Variants in MBTPS2 observed in about 807,000 individuals in gnomAD.
MBTPS2 encodes membrane bound transcription factor peptidase, site 2, also known as membrane-bound transcription factor site-2 protease.
In MBTPS2, 2 loss-of-function variants were observed where a neutral mutation model predicts 35.4. The ratio of observed to expected loss-of-function variants is 0.06; its 90% CI spans 0.02 to 0.18. The LOEUF (loss-of-function observed/expected upper bound fraction) is 0.18. MBTPS2 is among the 10% of genes least tolerant of loss of function. The pLI is 1.00. For missense variants in MBTPS2, 244 were observed against 386.5 expected, an observed-to-expected ratio of 0.63 and a Z score of 3.09; for synonymous variants, 125 against 140.4, an observed-to-expected ratio of 0.89 and a Z score of 0.77.
chrX:21,877,179 C>T (rs778030659), intron 7 of MBTPS2, among the ~76,000 whole-genome samples: 1 of 112,305 alleles, frequency 8.9e-6, no homozygotes, highest in African/African-American at 3.2e-5. Context: ...CAATAGCTCA[C>T]GCCTGTAATC....
At chrX:21,857,444 A>G in intron 5 of MBTPS2, 1 of 1,211,915 alleles carries the variant, frequency 8.3e-7, no homozygotes, top group Admixed American at 2.2e-5. Flanking sequence ...GCTGCGGGAA[A>G]CGCTTTTCCC....
chrX:21,840,193 G>C (rs1341120210), intron 1 of MBTPS2, among the ~76,000 whole-genome samples: 5 of 112,693 alleles, frequency 4.4e-5, no homozygotes, highest in African/African-American at 1.3e-4. Context: ...AAACGCTCTA[G>C]AGACTCAGAT....
At chrX:21,856,062 A>C in intron 5 of MBTPS2, 1 of 141,680 alleles carries the variant, frequency 7.1e-6, no homozygotes, top group South Asian at 2.6e-4. Context: ...ACAGGAGGGG[A>C]AGACATGAAA....
intron 5 of MBTPS2, among the ~76,000 whole-genome samples, chrX:21,860,410 C>T (rs1305085281): frequency 8.9e-6 from 1 of 111,904 alleles, no homozygotes; most frequent in Non-Finnish European, 1.9e-5. Flanking sequence ...GAGACTCCGT[C>T]TCAAAAAAAA....
chrX:21,870,215 T>A, intron 7 of MBTPS2: 1 of 31,843 alleles, frequency 3.1e-5, no homozygotes, highest in Non-Finnish European at 5.7e-5. Flanking sequence ...AAAGAGACTC[T>A]GTCTCAAAAA....
At chrX:21,844,450 G>A (rs1339969440) in intron 2 of MBTPS2, among the ~76,000 whole-genome samples, 6 of 111,974 alleles carry the variant, frequency 5.4e-5, no homozygotes, top group Non-Finnish European at 1.9e-5. Flanking sequence ...GGAGGTGAAG[G>A]CTGCAGTGAG....
intron 5 of MBTPS2, chrX:21,856,162 A>C: frequency 7.9e-6 from 2 of 254,486 alleles, no homozygotes; most frequent in Non-Finnish European, 7.0e-6. Flanking sequence ...CAGGGTGGCA[A>C]ACGTACGCGG....
Position 21,884,682 on chromosome X carries a change from C to T in MBTPS2, c.*2027C>T. 1.4e-6 allele frequency: 1 copy of T among 716,753 alleles called. No homozygotes were observed. Among genetic ancestry groups the T allele is most frequent in the Non-Finnish European group, 1.7e-6 (1 of 605,120 alleles). The allele number at this position is 716,753 out of a possible 1,213,427, so 59.1% of individuals were successfully genotyped here. ...TTTTCTTCTTTAGCTTGGTTGTGGG[C>T]ACTTCTACAGCAAGGACCATATCAT... On this transcript the variant is annotated 3_prime_UTR_variant, in exon 11 of 11. Transcript: ENST00000379484.
intron 5 of MBTPS2, among the ~76,000 whole-genome samples, chrX:21,855,589 G>C (rs767922554): frequency 1.1e-4 from 12 of 109,657 alleles, no homozygotes; most frequent in African/African-American, 4.0e-4. Context: ...GAGCCACCAC[G>C]CCCAGCTAAT....
chrX:21,870,248 A>G (rs2092945701), intron 7 of MBTPS2: 1 of 110,722 alleles, frequency 9.0e-6, no homozygotes, highest in African/African-American at 3.3e-5. Context: ...TCAGCATTCA[A>G]GGTCAATCAT....
intron 7 of MBTPS2, chrX:21,870,749 G>A (rs900078025): frequency 7.1e-5 from 8 of 112,146 alleles, no homozygotes; most frequent in African/African-American, 2.6e-4. Flanking sequence ...GTTGCTCTGT[G>A]CAGCAGATGA....
rs1318202719 is a variant in MBTPS2 at position 21,845,231 on chromosome X, A to G, written c.285A>G (p.Gly95=). 2 of 1,211,102 alleles carry G rather than the reference A, an allele frequency of 1.7e-6. No homozygotes were observed. The highest frequency in any genetic ancestry group is 4.4e-5 in the Admixed American group (2 of 45,953). The change falls in exon 3 of 11, where the codon GGA becomes GGG. Residue 95 remains glycine, a synonymous_variant. Coordinates refer to ENST00000379484, the MANE Select transcript of MBTPS2 (RefSeq NM_015884.4). ...IAMFSSFFLL[G]KTLMQTLAQM... ...TGTTTAGCTCATTTTTTCTCCTTGG[A>G]AAAACGCTGATGCAGACTTTGGCAC... is the stretch of plus-strand genomic sequence containing the variant.
Position 21,873,977 on chromosome X carries a change from C to CTG in MBTPS2, c.971-4041_971-4040dup, listed in dbSNP as rs1208053273. 1.5e-3 allele frequency among the ~76,000 whole-genome samples: 118 copies of CTG among 79,850 alleles called. 2 individuals carry two copies. The highest frequency in any genetic ancestry group is 0.012 in the Middle Eastern group (2 of 164). The allele number at this position is 79,850 out of a possible 115,157, so 69.3% of individuals were successfully genotyped here. The stretch of plus-strand genomic sequence containing the variant: ...TGTATATAAGTATATATGTGTGTGT[C>CTG]TGTGTGTGTGTGTGTGTGTGTGTGT... On this transcript the variant is annotated intron_variant, in intron 7 of 10. Coordinates refer to ENST00000379484, the MANE Select transcript of MBTPS2 (RefSeq NM_015884.4).
At chrX:21,849,789 G>C (rs1405606001) in intron 3 of MBTPS2, among the ~76,000 whole-genome samples, 1 of 106,003 alleles carries the variant, frequency 9.4e-6, no homozygotes, top group Non-Finnish European at 1.9e-5. Flanking sequence ...CACTTTGGGA[G>C]GCGGAGGAAG....
chrX:21,869,644 A>G lies in MBTPS2; in HGVS notation c.936A>G (p.Ala312=), dbSNP rs1228269308. 22 of 1,210,554 alleles carry G rather than the reference A, an allele frequency of 1.8e-5. No homozygotes were observed. The Middle Eastern group carries it at 9.2e-4, about 51-fold the overall frequency. The change falls in exon 7 of 11, where the codon GCA becomes GCG. Residue 312 remains alanine (A), a synonymous_variant. Transcript: ENST00000379484. ...CCCAAATTGGTTACTGTATAAGTGC[A>G]TCAACTTTACAGCAGTTAAGTTTCC... The part of the protein sequence containing the change: ...YEPQIGYCIS[A]STLQQLSFPV...
Position 21,884,022 on chromosome X carries a change from C to T in MBTPS2, c.*1367C>T. On this transcript the variant is annotated 3_prime_UTR_variant, in exon 11 of 11. Coordinates refer to ENST00000379484, the MANE Select transcript of MBTPS2 (RefSeq NM_015884.4). Reference sequence around the variant, plus strand: ...TCATTAATAGCCATCTATCCAACTTCTTTACTGAGTGATGTATTCCATGGG... The same window carrying T: ...TCATTAATAGCCATCTATCCAACTTTTTTACTGAGTGATGTATTCCATGGG... 1 of 753,928 alleles carries T rather than the reference C, an allele frequency of 1.3e-6. No homozygotes were observed. The highest frequency in any genetic ancestry group is 1.6e-6 in the Non-Finnish European group (1 of 638,939). 62.1% of individuals were successfully genotyped at this position (753,928 alleles called of 1,213,427 possible). A position where few individuals can be genotyped will look rare whatever the true frequency, so the allele number is the denominator to read the frequency against.
At chrX:21,880,517 C>G (rs1044875149) in intron 9 of MBTPS2, among the ~76,000 whole-genome samples, 12 of 110,394 alleles carry the variant, frequency 1.1e-4, no homozygotes, top group African/African-American at 3.9e-4. Context: ...GACTTTAAAT[C>G]CCCTCATCTT....
At chrX:21,866,780 G>A (rs890507951) in intron 5 of MBTPS2, among the ~76,000 whole-genome samples, 7 of 110,196 alleles carry the variant, frequency 6.4e-5, no homozygotes, top group African/African-American at 9.9e-5. Flanking sequence ...TAATCCTAGC[G>A]CTTTGGGAGG....
intron 5 of MBTPS2, 36 bp from the exon 6 acceptor site, chrX:21,868,431 C>T (rs753797316): frequency 1.5e-5 from 13 of 883,033 alleles, no homozygotes; most frequent in East Asian, 1.2e-4. Context: ...TTCCTGCCCC[C>T]GGTTGAGCTT....
Sources: gnomAD v4.1 joint callset for allele counts (sites outside exome capture counted in the v4.1 genomes callset) on GRCh38, gnomAD v4.1.1 for gene constraint, MANE v1.5 for transcripts, NCBI Gene and HGNC (gene_info 2026-07-23, HGNC 2026-07-21) for gene names.